RETSAT: variants seen among roughly 807,000 people sequenced by gnomAD.
RETSAT encodes retinol saturase, also known as all-trans-retinol 13,14-reductase.
RETSAT carries 35 observed loss-of-function variants against 61.6 expected under a neutral mutation model. The ratio of observed to expected loss-of-function variants is 0.57; its 90% confidence interval spans 0.43 to 0.75. The LOEUF is 0.75. Among genes scored for constraint, RETSAT ranks in the 30% least tolerant of loss-of-function variants. RETSAT has a pLI of 0.00. For missense variants in RETSAT, 670 were observed against 759.5 expected, an observed-to-expected ratio of 0.88 and a Z score of 1.38; for synonymous variants, 277 against 310.4, an observed-to-expected ratio of 0.89 and a Z score of 1.13.
rs140752943 is a variant in RETSAT, at chr2:85,344,700, C to T, written c.1150G>A (p.Gly384Ser). The change falls in exon 7 of 11, where the codon GGC (glycine) becomes AGC (serine). Residue 384 changes from glycine to serine, a missense_variant. Coordinates refer to ENST00000295802, the MANE Select transcript of RETSAT (RefSeq NM_017750.4). ...VKQQLGTVRP[G>S]LGMTSVFICL... The stretch of plus-strand genomic sequence containing the variant: ...ATGAAAACAGAGGTCATGCCTAAGC[C>T]GGGCCGCACCGTCCCCAGTTGCTGC... 46 of 1,614,144 alleles carry T rather than the reference C, an allele frequency of 2.8e-5. No individual in the cohort carries two copies. Among genetic ancestry groups the T allele is most frequent in the African/African-American group, 2.5e-4 (19 of 75,046 alleles).
In RETSAT at chr2:85,354,274, A is replaced by G; in HGVS notation, c.172+62T>C. ...TGGTAGCGGCTGCCTTGGCAAAATG[A>G]GAACCCAAATCTGTGAGAAAGCCTC... On this transcript the variant is annotated intron_variant, in intron 1 of 10. Coordinates refer to ENST00000295802, the MANE Select transcript of RETSAT (RefSeq NM_017750.4). 3 of 1,592,128 alleles carry G rather than the reference A, an allele frequency of 1.9e-6. No homozygotes were observed. In the South Asian group the frequency reaches 3.3e-5, roughly 18 times the overall value.
intron 5 of RETSAT, among the ~76,000 whole-genome samples, 195 bp from the exon 6 acceptor site, chr2:85,346,289 A>C (rs1558682348): frequency 6.6e-6 from 1 of 152,112 alleles, no homozygotes; most frequent in Non-Finnish European, 1.5e-5. Context: ...ACTATCCTAC[A>C]ACTGCTTGGG....
At chr2:85,350,553 C>T (rs1206837051) in intron 3 of RETSAT, among the ~76,000 whole-genome samples, 1 of 152,154 alleles carries the variant, frequency 6.6e-6, no homozygotes, top group African/African-American at 2.4e-5. Flanking sequence ...GAGAGCAGGG[C>T]ATCCCCAGAG....
intron 1 of RETSAT, among the ~76,000 whole-genome samples, chr2:85,353,638 A>G (rs562431368): frequency 8.5e-5 from 13 of 152,374 alleles, no homozygotes; most frequent in African/African-American, 3.1e-4. Flanking sequence ...TAGTCCTTCC[A>G]CTTAGAACAG....
At position 85,350,817 on chromosome 2, in the gene RETSAT, T is replaced by G. The variant is rs921205018; in HGVS notation, c.560A>C (p.Glu187Ala). ...TATATACTTGTCAATGATAGCTTCCTCCTGTGGAAACTTCTCCTTGAGGCC... is the reference window on the plus strand; with the variant it reads ...TATATACTTGTCAATGATAGCTTCCGCCTGTGGAAACTTCTCCTTGAGGCC... ...IQGLKEKFPQ[E>A]EAIIDKYIKL... The change falls in exon 3 of 11, where the codon GAG becomes GCG. Residue 187 changes from glutamate to alanine, a missense_variant. By Grantham distance (107) the Glu-to-Ala change is moderately radical. Transcript: ENST00000295802. 1.2e-6 allele frequency: 2 copies of G among 1,614,106 alleles called. No homozygotes were observed. The highest frequency in any genetic ancestry group is 2.7e-5 in the African/African-American group (2 of 74,938).
chr2:85,349,538 C>T lies in RETSAT; in HGVS notation c.843G>A (p.Leu281=). ...NHSAFSMHAL[L]VNHYMKGGFY... Reference sequence around the variant, plus strand: ...AGCCTCCTTTCATGTAGTGGTTGACCAGCAGGGCGTGCATGGAAAAGGCAC... The same window carrying T: ...AGCCTCCTTTCATGTAGTGGTTGACTAGCAGGGCGTGCATGGAAAAGGCAC... The change falls in exon 5 of 11, where the codon CTG becomes CTA. Residue 281 remains leucine, a synonymous_variant. Transcript: ENST00000295802. The T allele has an allele frequency of 1.9e-6, 3 of 1,614,142 alleles. No individual in the cohort carries two copies. The highest frequency in any genetic ancestry group is 2.7e-5 in the African/African-American group (2 of 75,048).
Position 85,349,493 on chromosome 2 carries a change from G to A in RETSAT, c.888C>T (p.Ser296=), listed in dbSNP as rs780793300. The A allele has an allele frequency of 1.2e-6, 2 of 1,614,156 alleles. No homozygotes were observed. Among genetic ancestry groups the A allele is most frequent in the Admixed American group, 1.7e-5 (1 of 60,024 alleles). Residue 296 remains serine (S), a synonymous_variant, in exon 5 of 11, where the codon TCC becomes TCT. Transcript: ENST00000295802. ...GGATGGTGTGGAAGGCAATTTCACT[G>A]GAACCCCCTCGGGGATAAAAGCCTC... is the stretch of plus-strand genomic sequence containing the variant. ...MKGGFYPRGG[S]SEIAFHTIPV...
intron 10 of RETSAT, 29 bp from the exon 11 acceptor site, chr2:85,343,410 C>G (rs71337781): frequency 6.2e-7 from 1 of 1,601,916 alleles, no homozygotes; most frequent in African/African-American, 1.3e-5. Context: ...GGCCCCTGAG[C>G]GTGCACCCAG....
chr2:85,351,098 T>C, intron 2 of RETSAT, 77 bp from the exon 3 acceptor site: 1 of 1,564,094 alleles, frequency 6.4e-7, no homozygotes, highest in African/African-American at 1.4e-5. Context: ...GGAAGTGAGG[T>C]GGAAGAGTTT....
chr2:85,347,542 A>G (rs1041139622), intron 5 of RETSAT, among the ~76,000 whole-genome samples: 1 of 148,846 alleles, frequency 6.7e-6, no homozygotes, highest in Non-Finnish European at 1.5e-5. Flanking sequence ...TAATTTTTGT[A>G]TTTTTAGTAA....
Position 85,348,439 on chromosome 2 carries a change from G to C in RETSAT, c.997+945C>G, listed in dbSNP as rs56334235. On this transcript the variant is annotated intron_variant, in intron 5 of 10. Transcript: ENST00000295802. ...AGATCAGGAGATTGAGACCATCCTG[G>C]CTAACACATGGTGAAACCCCATCTC... 7.3e-3 allele frequency among the ~76,000 whole-genome samples: 1,110 copies of C among 152,044 alleles called. 19 individuals are homozygous for C. The highest frequency in any genetic ancestry group is 0.025 in the African/African-American group (1,035 of 41,490).
At chr2:85,345,859 G>T in intron 6 of RETSAT, 116 bp downstream of exon 6, 1 of 1,316,662 alleles carries the variant, frequency 7.6e-7, no homozygotes, top group Non-Finnish European at 1.1e-6. Flanking sequence ...GTTGCTTAAG[G>T]ACAATCAGAG....
At chr2:85,353,066 T>C (rs1461564991) in intron 1 of RETSAT, among the ~76,000 whole-genome samples, 1 of 152,218 alleles carries the variant, frequency 6.6e-6, no homozygotes, top group Non-Finnish European at 1.5e-5. Context: ...CACATGTAAG[T>C]ATATAAGATA....
chr2:85,345,912 T>C lies in RETSAT; in HGVS notation c.1117+63A>G, dbSNP rs746239979. 1.4e-5 allele frequency: 23 copies of C among 1,610,878 alleles called. No individual in the cohort carries two copies. The East Asian group carries it at 3.8e-4, about 27-fold the overall frequency. On this transcript the variant is annotated intron_variant, in intron 6 of 10. Transcript: ENST00000295802. ...AGAAGCATGACCCACACGGAGCAGG[T>C]TGGCTCCAGAAGGGGACACATTGGG...
At chr2:85,347,937 T>C (rs570453238) in intron 5 of RETSAT, among the ~76,000 whole-genome samples, 2 of 152,302 alleles carry the variant, frequency 1.3e-5, no homozygotes, top group African/African-American at 4.8e-5. Context: ...CCCCCACTTA[T>C]CACCTCCTTG....
chr2:85,349,451 A>T lies in RETSAT; in HGVS notation c.930T>A (p.Ala310=), dbSNP rs779454072. Residue 310 remains alanine, a synonymous_variant, in exon 5 of 11, where the codon GCT becomes GCA. Coordinates refer to ENST00000295802, the MANE Select transcript of RETSAT (RefSeq NM_017750.4). Reference sequence around the variant, plus strand: ...TGGCCTTTGTGAGGACAGCGCCCCCAGCCCGCTGAATCACAGGGATGGTGT... The same window carrying T: ...TGGCCTTTGTGAGGACAGCGCCCCCTGCCCGCTGAATCACAGGGATGGTGT... ...AFHTIPVIQR[A]GGAVLTKATV... The T allele has an allele frequency of 5.0e-6, 8 of 1,614,180 alleles. No individual in the cohort carries two copies. Among genetic ancestry groups the T allele is most frequent in the Non-Finnish European group, 6.8e-6 (8 of 1,180,026 alleles).
At chr2:85,344,800 G>A (rs1307089936) in intron 6 of RETSAT, 68 bp from the exon 7 acceptor site, 4 of 1,552,190 alleles carry the variant, frequency 2.6e-6, no homozygotes, top group African/African-American at 2.7e-5. Flanking sequence ...GCTCCCAGGA[G>A]AGCCTTGGGG....
Position 85,343,059 on chromosome 2 carries a change from G to A in RETSAT, c.*183C>T. 4.1e-6 allele frequency: 3 copies of A among 728,690 alleles called. No individual in the cohort carries two copies. The highest frequency in any genetic ancestry group is 2.0e-5 in the South Asian group (1 of 49,628). 45.1% of individuals were successfully genotyped at this position (728,690 alleles called of 1,614,324 possible). On this transcript the variant is annotated 3_prime_UTR_variant, in exon 11 of 11. Transcript: ENST00000295802. ...CGTAAAGATCTCACCTGCCCCAGCT[G>A]GAAGCAGTGATTCCATTGCCCCAGA...
chr2:85,343,976 A>AC, intron 9 of RETSAT, 23 bp downstream of exon 9: 1 of 1,612,236 alleles, frequency 6.2e-7, no homozygotes, highest in Non-Finnish European at 8.5e-7. Context: ...GTTCGTCACC[A>AC]CCCCAAATAC....
Sources: gnomAD v4.1 joint callset for allele counts (sites outside exome capture counted in the v4.1 genomes callset) on GRCh38, gnomAD v4.1.1 for gene constraint, MANE v1.5 for transcripts, NCBI Gene and HGNC (gene_info 2026-07-23, HGNC 2026-07-21) for gene names.